Variants in GMDS observed in about 807,000 individuals in gnomAD.
GMDS encodes the protein GDP-mannose 4,6 dehydratase.
Under a neutral mutation model 49.9 loss-of-function variants are expected in GMDS, and 20 were observed. That is an observed-to-expected ratio of 0.40 (90% CI 0.28 to 0.58). The LOEUF is 0.58. GMDS is among the 20% of genes least tolerant of loss of function. GMDS has a pLI of 0.42. For synonymous variants in GMDS, 177 were observed against 178.6 expected (o/e 0.99, Z 0.07); for missense variants, 362 against 481.4 (o/e 0.75, Z 2.32).
intron 7 of GMDS, among the ~76,000 whole-genome samples, chr6:1,763,895 G>A (rs1488892573): frequency 6.6e-6 from 1 of 152,158 alleles, no homozygotes; most frequent in African/African-American, 2.4e-5. Context: ...CAGGTGGAGG[G>A]CTCCCTTGGA....
chr6:1,806,439 AACACAC>A (rs34940754), intron 7 of GMDS, among the ~76,000 whole-genome samples: 40 of 146,222 alleles, frequency 2.7e-4, no homozygotes, highest in African/African-American at 7.3e-4. Flanking sequence ...AGCACATGGG[AACACAC>A]ACACACACAC....
intron 9 of GMDS, among the ~76,000 whole-genome samples, chr6:1,673,961 A>T (rs977755451): frequency 1.3e-5 from 2 of 150,618 alleles, no homozygotes; most frequent in African/African-American, 4.9e-5. Context: ...CTTCCAGTTT[A>T]GGTTGATTAT....
intron 7 of GMDS, among the ~76,000 whole-genome samples, chr6:1,751,981 CA>C (rs1561781591): frequency 6.6e-6 from 1 of 152,114 alleles, no homozygotes; most frequent in Non-Finnish European, 1.5e-5. Context: ...TCTTCTCCTC[CA>C]AAGGATCACA....
chr6:1,705,055 A>T lies in GMDS; in HGVS notation c.987+21361T>A, dbSNP rs78327925. Among the ~76,000 whole-genome samples, 1,517 of 152,340 alleles carry T rather than the reference A, an allele frequency of 1.0e-2. 23 individuals are homozygous for T. The highest frequency in any genetic ancestry group is 0.035 in the African/African-American group (1,448 of 41,566). ...TGGTAGGATACTAGTTCTATAGATA[A>T]TTATTAAATACCACTAAACGACAAA... On this transcript the variant is annotated intron_variant, in intron 9 of 10. Transcript: ENST00000380815.
At chr6:2,002,201 T>TCA (rs1426296458) in intron 4 of GMDS, among the ~76,000 whole-genome samples, 18 of 152,260 alleles carry the variant, frequency 1.2e-4, no homozygotes, top group Non-Finnish European at 1.8e-4. Flanking sequence ...ATTCATTCAT[T>TCA]TATTCATTTA....
At chr6:2,106,049 A>G (rs1774224349) in intron 4 of GMDS, among the ~76,000 whole-genome samples, 1 of 152,214 alleles carries the variant, frequency 6.6e-6, no homozygotes, top group Non-Finnish European at 1.5e-5. Context: ...AATAAAGCAA[A>G]TCTAAATTCG....
chr6:2,116,361 G>A (rs573062752), intron 3 of GMDS, among the ~76,000 whole-genome samples: 17 of 152,236 alleles, frequency 1.1e-4, no homozygotes, highest in African/African-American at 3.6e-4. Context: ...CTGAATGCCC[G>A]ATGTGGTGAC....
At chr6:1,993,670 G>A (rs989501503) in intron 4 of GMDS, among the ~76,000 whole-genome samples, 2 of 150,586 alleles carry the variant, frequency 1.3e-5, no homozygotes, top group African/African-American at 4.9e-5. Flanking sequence ...TTTTATAAAT[G>A]TTTGCAGAGC....
chr6:1,914,119 C>T (rs1187778173), intron 7 of GMDS, among the ~76,000 whole-genome samples: 1 of 122,512 alleles, frequency 8.2e-6, no homozygotes, highest in African/African-American at 3.4e-5. Context: ...ATCATGAAAG[C>T]GTTTTTTGTT....
At chr6:2,117,916 G>C (rs956487002) in intron 2 of GMDS, among the ~76,000 whole-genome samples, 1 of 152,082 alleles carries the variant, frequency 6.6e-6, no homozygotes, top group Non-Finnish European at 1.5e-5. Flanking sequence ...AGGCCGTGTC[G>C]GTAAAACAGC....
chr6:2,116,244 C>A (rs1774842109), intron 3 of GMDS, among the ~76,000 whole-genome samples: 1 of 152,142 alleles, frequency 6.6e-6, no homozygotes, highest in Non-Finnish European at 1.5e-5. Context: ...TGTATACCAT[C>A]TAAAGCAATC....
At chr6:1,629,152 A>G (rs187649825) in intron 9 of GMDS, among the ~76,000 whole-genome samples, 62 of 152,344 alleles carry the variant, frequency 4.1e-4, no homozygotes, top group African/African-American at 1.4e-3. Flanking sequence ...GATCCCCCAG[A>G]AAATTTGCAA....
Position 1,684,730 on chromosome 6 carries a change from T to C in GMDS, c.987+41686A>G, listed in dbSNP as rs539264327. 2.0e-5 allele frequency among the ~76,000 whole-genome samples: 3 copies of C among 152,314 alleles called. No individual in the cohort carries two copies. In the East Asian group the frequency reaches 5.8e-4, roughly 29 times the overall value. On this transcript the variant is annotated intron_variant, in intron 9 of 10. Transcript: ENST00000380815. ...GGGCTGGAGATGGTCCTGTCTTGGCTGTGGTGATGGTTACACAACTGTATA... is the reference window on the plus strand; with the variant it reads ...GGGCTGGAGATGGTCCTGTCTTGGCCGTGGTGATGGTTACACAACTGTATA...
chr6:2,103,418 C>A (rs1000679783), intron 4 of GMDS, among the ~76,000 whole-genome samples: 1 of 152,058 alleles, frequency 6.6e-6, no homozygotes, highest in Non-Finnish European at 1.5e-5. Flanking sequence ...GTTATACACA[C>A]CTTTAGAATA....
rs1768916279 is a variant in GMDS, at chr6:1,778,130, C to T, written c.772-35544G>A. Among the ~76,000 whole-genome samples the T allele has an allele frequency of 1.3e-5, 2 of 152,092 alleles. No homozygotes were observed. The highest frequency in any genetic ancestry group is 2.9e-5 in the Non-Finnish European group (2 of 68,040). Reference sequence around the variant, plus strand: ...AGAGTGCCAAAACAGTACTGCATTCCTTAAAGAGCTGAATAAAGGATCGAG... The same window carrying T: ...AGAGTGCCAAAACAGTACTGCATTCTTTAAAGAGCTGAATAAAGGATCGAG... On this transcript the variant is annotated intron_variant, in intron 7 of 10. Coordinates refer to ENST00000380815, the MANE Select transcript of GMDS (RefSeq NM_001500.4). This position sits in a 1 kb window ranked among gnomAD's most constrained non-coding sequence, Gnocchi z 4.6.
At position 1,647,375 on chromosome 6, in the gene GMDS, G is replaced by A. The variant is rs183251932; in HGVS notation, c.988-22835C>T. On this transcript the variant is annotated intron_variant, in intron 9 of 10. Coordinates refer to ENST00000380815, the MANE Select transcript of GMDS (RefSeq NM_001500.4). ...TGGGGTTTCCTGCTGGATGGGAACAGGAATTTAAGCAGCTTCTCCCCACCC... is the reference window on the plus strand; with the variant it reads ...TGGGGTTTCCTGCTGGATGGGAACAAGAATTTAAGCAGCTTCTCCCCACCC... 1.8e-4 allele frequency among the ~76,000 whole-genome samples: 28 copies of A among 152,244 alleles called. No individual in the cohort carries two copies. The East Asian group carries it at 4.8e-3, about 26-fold the overall frequency.
rs1203487357 is a variant in GMDS at position 1,881,674 on chromosome 6, C to G, written c.771+48429G>C. Among the ~76,000 whole-genome samples the G allele has an allele frequency of 2.0e-5, 3 of 152,234 alleles. No homozygotes were observed. The South Asian group carries it at 6.2e-4, about 32-fold the overall frequency. Reference sequence around the variant, plus strand: ...GTTCTGTTTTCAGCAAACTTCTCATCTCTCATTCCAGTTTTTCAATGGGAC... The same window carrying G: ...GTTCTGTTTTCAGCAAACTTCTCATGTCTCATTCCAGTTTTTCAATGGGAC... On this transcript the variant is annotated intron_variant, in intron 7 of 10. Transcript: ENST00000380815.
intron 1 of GMDS, among the ~76,000 whole-genome samples, chr6:2,219,297 G>A (rs1324491506): frequency 6.6e-6 from 1 of 152,174 alleles, no homozygotes; most frequent in Non-Finnish European, 1.5e-5. Context: ...CCAGATGATA[G>A]AGAGGGTAGA....
At chr6:1,988,049 T>C (rs1186249434) in intron 4 of GMDS, among the ~76,000 whole-genome samples, 3 of 152,192 alleles carry the variant, frequency 2.0e-5, no homozygotes, top group African/African-American at 7.2e-5. Flanking sequence ...TACACATACA[T>C]GCATATGCAC....
Sources: gnomAD v4.1 joint callset for allele counts (sites outside exome capture counted in the v4.1 genomes callset) on GRCh38, gnomAD v4.1.1 for gene constraint, Gnocchi (gnomAD v3.1) non-coding constraint, MANE v1.5 for transcripts, NCBI Gene and HGNC (gene_info 2026-07-23, HGNC 2026-07-21) for gene names.